The following RAD18 variants were observed in gnomAD, a reference collection of about 807,000 sequenced individuals.
RAD18 encodes the protein RAD18 E3 ubiquitin protein ligase.
RAD18 carries 47 observed loss-of-function variants against 60.4 expected under a neutral mutation model. The ratio of observed to expected loss-of-function variants is 0.78; its 90% CI spans 0.62 to 0.99. The LOEUF (loss-of-function observed/expected upper bound fraction) is 0.99. Among genes scored for constraint, RAD18 ranks in the 50% least tolerant of loss-of-function variants. The pLI, the probability that RAD18 is intolerant of heterozygous loss-of-function variation, is 0.00. For synonymous variants in RAD18, 225 were observed against 195.5 expected, an observed-to-expected ratio of 1.15 and a Z score of -1.26; for missense variants, 640 against 593.3, an observed-to-expected ratio of 1.08 and a Z score of -0.82.
At chr3:8,915,608 G>C (rs1463733806) in intron 7 of RAD18, among the ~76,000 whole-genome samples, 2 of 144,924 alleles carry the variant, frequency 1.4e-5, no homozygotes, top group African/African-American at 5.1e-5. Context: ...TTTTGAGACT[G>C]AGTCTCGCTC....
intron 2 of RAD18, among the ~76,000 whole-genome samples, chr3:8,954,752 T>A (rs1940980754): frequency 6.6e-6 from 1 of 152,124 alleles, no homozygotes; most frequent in Non-Finnish European, 1.5e-5. Context: ...AATAAATACC[T>A]AGGATTCTGG....
rs1224208568 is a variant in RAD18 at position 8,937,124 on chromosome 3, C to G, written c.705-1069G>C. ...AAAATTGCTCTTCTTACAATGACAA[C>G]CCATCTGACTCTACAAGGTTGATAA... On this transcript the variant is annotated intron_variant, in intron 6 of 12. Transcript: ENST00000264926. Among the ~76,000 whole-genome samples, 3 of 152,160 alleles carry G rather than the reference C, an allele frequency of 2.0e-5. No homozygotes were observed. The East Asian group carries it at 5.8e-4, about 29-fold the overall frequency.
chr3:8,882,985 G>A (rs764993414), intron 12 of RAD18, among the ~76,000 whole-genome samples: 19 of 152,194 alleles, frequency 1.2e-4, no homozygotes, highest in Non-Finnish European at 1.9e-4. Flanking sequence ...CCCATTTCGA[G>A]ATGGAAATTC....
chr3:8,920,075 G>T (rs985904368), intron 7 of RAD18, among the ~76,000 whole-genome samples: 1 of 152,174 alleles, frequency 6.6e-6, no homozygotes, highest in Non-Finnish European at 1.5e-5. Flanking sequence ...GAGGTCAGGA[G>T]ATTGAGACCT....
intron 9 of RAD18, among the ~76,000 whole-genome samples, chr3:8,907,249 C>G (rs375451567): frequency 1.4e-4 from 21 of 152,224 alleles, no homozygotes; most frequent in East Asian, 5.8e-4. Flanking sequence ...TGGCCAGTAT[C>G]TTGAAAATTG....
chr3:8,953,936 C>G (rs145381978), intron 2 of RAD18, among the ~76,000 whole-genome samples: 76 of 152,102 alleles, frequency 5.0e-4, no homozygotes, highest in African/African-American at 1.8e-3. Context: ...GTTCCCCTTA[C>G]GAAACCTTTG....
intron 7 of RAD18, among the ~76,000 whole-genome samples, chr3:8,922,990 T>C (rs1356517593): frequency 6.6e-6 from 1 of 152,028 alleles, no homozygotes; most frequent in Non-Finnish European, 1.5e-5. Context: ...AGCTGAAAAT[T>C]CTAAAAATCA....
intron 4 of RAD18, among the ~76,000 whole-genome samples, chr3:8,943,300 T>C (rs1445782262): frequency 1.7e-4 from 26 of 149,438 alleles, no homozygotes; most frequent in Admixed American, 1.5e-3. Context: ...ATAGCATCTC[T>C]AGGTAAGGAC....
intron 2 of RAD18, among the ~76,000 whole-genome samples, chr3:8,953,243 T>C (rs1241302898): frequency 6.6e-6 from 1 of 150,706 alleles, no homozygotes; most frequent in East Asian, 1.9e-4. Context: ...ATTGTACCTA[T>C]ATAAGTATAC....
At chr3:8,912,744 T>C (rs1016841932) in intron 8 of RAD18, among the ~76,000 whole-genome samples, 9 of 152,204 alleles carry the variant, frequency 5.9e-5, no homozygotes, top group African/African-American at 2.2e-4. Context: ...CTTGTCTGCC[T>C]TCTCTCCTTT....
At chr3:8,921,821 T>C (rs1940326037) in intron 7 of RAD18, among the ~76,000 whole-genome samples, 1 of 152,248 alleles carries the variant, frequency 6.6e-6, no homozygotes, top group South Asian at 2.1e-4. Context: ...ACACAGACCT[T>C]CTTTTCCATT....
At chr3:8,919,417 T>C (rs1940270916) in intron 7 of RAD18, among the ~76,000 whole-genome samples, 1 of 152,216 alleles carries the variant, frequency 6.6e-6, no homozygotes, top group South Asian at 2.1e-4. Context: ...ACCCAGTTGC[T>C]GGAATTATCT....
At chr3:8,962,739 C>G (rs776805890) in intron 1 of RAD18, among the ~76,000 whole-genome samples, 8 of 152,176 alleles carry the variant, frequency 5.3e-5, no homozygotes, top group Non-Finnish European at 7.3e-5. Context: ...GTGAAATAAT[C>G]AGACGCAATG....
chr3:8,914,572 C>T (rs778888287), intron 7 of RAD18, among the ~76,000 whole-genome samples: 5 of 152,134 alleles, frequency 3.3e-5, no homozygotes, highest in Non-Finnish European at 7.4e-5. Flanking sequence ...AAACCACAGA[C>T]CTTATGACGA....
chr3:8,944,032 T>C (rs1940799533), intron 4 of RAD18, among the ~76,000 whole-genome samples: 1 of 152,036 alleles, frequency 6.6e-6, no homozygotes. Flanking sequence ...TTGAAAAAAT[T>C]AACAAAACTG....
chr3:8,923,434 C>T (rs147980856), intron 7 of RAD18, among the ~76,000 whole-genome samples: 2 of 152,140 alleles, frequency 1.3e-5, no homozygotes, highest in African/African-American at 2.4e-5. Context: ...AAATCTACGT[C>T]TCACTGGTGT....
intron 7 of RAD18, among the ~76,000 whole-genome samples, chr3:8,926,184 T>A (rs1940429955): frequency 3.3e-5 from 5 of 152,146 alleles, no homozygotes; most frequent in Admixed American, 3.3e-4. Flanking sequence ...GCCCAAAATC[T>A]CCTTAAGCTG....
intron 1 of RAD18, among the ~76,000 whole-genome samples, 170 bp from the exon 2 acceptor site, chr3:8,959,171 A>C (rs1257816728): frequency 6.6e-6 from 1 of 152,112 alleles, no homozygotes; most frequent in Non-Finnish European, 1.5e-5. Flanking sequence ...ATAAATAAAA[A>C]CTTCTCTCAT....
chr3:8,951,648 A>C (rs1319750902), intron 2 of RAD18, among the ~76,000 whole-genome samples: 4 of 152,256 alleles, frequency 2.6e-5, no homozygotes, highest in Admixed American at 2.6e-4. Context: ...CGAAGTATTC[A>C]ATTATAGATG....
Sources: allele counts gnomAD v4.1 joint callset (sites outside exome capture counted in the v4.1 genomes callset), GRCh38; gene constraint gnomAD v4.1.1; transcripts MANE v1.5; gene names NCBI Gene and HGNC (gene_info 2026-07-23, HGNC 2026-07-21).